The following ERI1 variants were observed in gnomAD, a reference collection of about 807,000 sequenced individuals.
The protein encoded by ERI1 is exoribonuclease 1.
In ERI1, 39 loss-of-function variants were observed where a neutral mutation model predicts 39.7. The ratio of observed to expected loss-of-function variants is 0.98; its 90% CI spans 0.76 to 1.28. The LOEUF is 1.28. Among genes scored for constraint, ERI1 ranks in the 50% most tolerant of loss-of-function variants. ERI1 has a pLI of 0.00. For synonymous variants in ERI1, 204 were observed against 149.6 expected (o/e 1.36, Z -2.65); for missense variants, 581 against 416.9 (o/e 1.39, Z -3.43).
At chr8:9,014,266 G>C (rs930957861) in intron 3 of ERI1, among the ~76,000 whole-genome samples, 1 of 152,152 alleles carries the variant, frequency 6.6e-6, no homozygotes, top group Non-Finnish European at 1.5e-5. Context: ...AGTTTTCTTA[G>C]CCAGAAGTCT....
intron 3 of ERI1, among the ~76,000 whole-genome samples, chr8:9,074,100 G>C (rs1244877682): frequency 6.6e-6 from 1 of 150,718 alleles, no homozygotes; most frequent in Admixed American, 6.6e-5. Flanking sequence ...ACTTTTTTGT[G>C]TGTGTTATTT....
In ERI1 at chr8:9,079,695, A is replaced by C. The variant is rs1298468027; in HGVS notation, n.300-36653A>C. Among the ~76,000 whole-genome samples the C allele has an allele frequency of 2.0e-5, 3 of 152,114 alleles. No homozygotes were observed. In the East Asian group the frequency reaches 5.8e-4, roughly 29 times the overall value. On this transcript the variant is annotated intron_variant and non_coding_transcript_variant, in intron 3 of 3. Coordinates refer to the ERI1 transcript ENST00000518663. ...TACGAGCAGGTTTGTTTGTTTTTTG[A>C]GACAGGGTCTCACTGTCATCCAGGC... is the stretch of plus-strand genomic sequence containing the variant.
chr8:9,080,362 A>G (rs1799331759), intron 3 of ERI1, among the ~76,000 whole-genome samples: 1 of 152,164 alleles, frequency 6.6e-6, no homozygotes, highest in South Asian at 2.1e-4. Flanking sequence ...TGTTCATGTG[A>G]TGTCCTGACA....
At position 9,090,023 on chromosome 8, in the gene ERI1, A is replaced by AT. The variant is rs533970336; in HGVS notation, n.300-26318dup. 1.9e-3 allele frequency among the ~76,000 whole-genome samples: 292 copies of AT among 152,186 alleles called. 4 individuals are homozygous for AT. Among genetic ancestry groups the AT allele is most frequent in the African/African-American group, 6.6e-3 (274 of 41,520 alleles). On this transcript the variant is annotated intron_variant and non_coding_transcript_variant, in intron 3 of 3. Coordinates refer to the ERI1 transcript ENST00000518663. ...ACGGCTGAGATGATATCACATTTGCATTTTTTTGGATTGTCATCAGTCTCA... is the reference window on the plus strand; with the variant it reads ...ACGGCTGAGATGATATCACATTTGCATTTTTTTTGGATTGTCATCAGTCTCA...
At chr8:9,091,032 A>T (rs898068317) in intron 3 of ERI1, among the ~76,000 whole-genome samples, 4 of 152,192 alleles carry the variant, frequency 2.6e-5, no homozygotes, top group African/African-American at 7.2e-5. Flanking sequence ...TTCTGAAAAT[A>T]TTTTTTTCCA....
chr8:9,085,906 T>G lies in ERI1; in HGVS notation n.300-30442T>G, dbSNP rs566404938. Reference sequence around the variant, plus strand: ...GCAGTCTCCATGCTGAGGACAAATTTAGCAAACTCTTATATGATCAAGATG... The same window carrying G: ...GCAGTCTCCATGCTGAGGACAAATTGAGCAAACTCTTATATGATCAAGATG... On this transcript the variant is annotated intron_variant and non_coding_transcript_variant, in intron 3 of 3. Transcript: ENST00000518663. Among the ~76,000 whole-genome samples the G allele has an allele frequency of 4.6e-5, 7 of 152,274 alleles. No homozygotes were observed. The South Asian group carries it at 1.5e-3, about 32-fold the overall frequency.
intron 3 of ERI1, among the ~76,000 whole-genome samples, chr8:9,041,942 C>T (rs1016864011): frequency 5.9e-5 from 9 of 152,156 alleles, no homozygotes; most frequent in Admixed American, 3.9e-4. Context: ...CCATGTTGGC[C>T]AGGCTAATCT....
At chr8:9,050,163 A>G (rs568001989) in intron 3 of ERI1, among the ~76,000 whole-genome samples, 10 of 48,956 alleles carry the variant, frequency 2.0e-4, no homozygotes, top group Admixed American at 9.3e-4. Context: ...GGTACATTCT[A>G]AGTGGTCAAA....
chr8:9,033,450 C>G (rs1330957208), downstream of ERI1: 2 of 152,014 alleles, frequency 1.3e-5, no homozygotes, highest in East Asian at 3.9e-4. Context: ...AAAAATACTA[C>G]TGTCTGGCCC....
chr8:9,017,899 G>A (rs942033765), intron 4 of ERI1, among the ~76,000 whole-genome samples: 2 of 152,186 alleles, frequency 1.3e-5, no homozygotes, highest in South Asian at 2.1e-4. Flanking sequence ...TCTGGCAGCA[G>A]TATGTAGTAT....
At chr8:9,048,493 C>T (rs1798249440) in intron 3 of ERI1, 1 of 154,372 alleles carries the variant, frequency 6.5e-6, no homozygotes, top group African/African-American at 2.4e-5. Context: ...TTCCTTTCCT[C>T]CATCTCCCCC....
Position 9,030,238 on chromosome 8 carries a change from T to C in ERI1, c.*204T>C. The C allele has an allele frequency of 4.8e-6, 3 of 621,442 alleles. No individual in the cohort carries two copies. The highest frequency in any genetic ancestry group is 8.2e-6 in the Non-Finnish European group (3 of 364,260). The allele number at this position is 621,442 out of a possible 1,614,324, so 38.5% of individuals were successfully genotyped here. ...TTCTTTGTCACCAGCACTTTTGATA[T>C]GAACAGTATTCGTTACATAGTAACA... On this transcript the variant is annotated 3_prime_UTR_variant, in exon 7 of 7. Coordinates refer to ENST00000250263, the MANE Select transcript of ERI1 (RefSeq NM_153332.4).
At chr8:9,039,602 G>T (rs557736108) in intron 3 of ERI1, among the ~76,000 whole-genome samples, 1 of 152,302 alleles carries the variant, frequency 6.6e-6, no homozygotes, top group South Asian at 2.1e-4. Flanking sequence ...TTAGGTTGAT[G>T]AAAGGCAAGA....
At chr8:9,098,433 G>A (rs1490936963) in intron 3 of ERI1, among the ~76,000 whole-genome samples, 1 of 152,168 alleles carries the variant, frequency 6.6e-6, no homozygotes, top group East Asian at 1.9e-4. Context: ...AGCAAGAATC[G>A]CTTGAACCCG....
intron 3 of ERI1, among the ~76,000 whole-genome samples, chr8:9,046,628 C>G (rs772268943): frequency 4.6e-5 from 7 of 152,224 alleles, no homozygotes; most frequent in Non-Finnish European, 8.8e-5. Context: ...GAAATATCAA[C>G]TTTCTCCCCA....
chr8:9,020,906 G>A (rs1021710286), intron 6 of ERI1, among the ~76,000 whole-genome samples: 2 of 152,122 alleles, frequency 1.3e-5, no homozygotes, highest in African/African-American at 4.8e-5. Context: ...CTTATGTAAA[G>A]CTCTGTTTTT....
At chr8:9,068,615 G>A (rs1358624059) in intron 3 of ERI1, among the ~76,000 whole-genome samples, 1 of 152,056 alleles carries the variant, frequency 6.6e-6, no homozygotes, top group Non-Finnish European at 1.5e-5. Flanking sequence ...CGCCTTTAGG[G>A]TCCTCATATC....
chr8:9,024,275 T>C (rs899835274), intron 6 of ERI1, among the ~76,000 whole-genome samples: 4 of 152,384 alleles, frequency 2.6e-5, no homozygotes, highest in African/African-American at 9.6e-5. Flanking sequence ...AAATACAGTT[T>C]AAGACAGATT....
At chr8:9,053,657 C>T (rs543460943) in intron 3 of ERI1, among the ~76,000 whole-genome samples, 1 of 152,268 alleles carries the variant, frequency 6.6e-6, no homozygotes, top group Admixed American at 6.5e-5. Flanking sequence ...GGTAGAAGTG[C>T]AGGTAGCCTG....
Sources: gnomAD v4.1 joint callset for allele counts (sites outside exome capture counted in the v4.1 genomes callset) on GRCh38, gnomAD v4.1.1 for gene constraint, MANE v1.5 for transcripts, NCBI Gene and HGNC (gene_info 2026-07-23, HGNC 2026-07-21) for gene names.